TCERG1L: variants seen among roughly 807,000 people sequenced by gnomAD.
TCERG1L encodes the protein transcription elongation regulator 1-like protein.
TCERG1L carries 37 observed loss-of-function variants against 56.3 expected under a neutral mutation model. That is an observed-to-expected ratio of 0.66 (90% CI 0.51 to 0.87). The LOEUF is 0.87. Ranked by LOEUF, TCERG1L falls within the 40% of genes least tolerant of loss-of-function variation. The pLI, the probability that TCERG1L is intolerant of heterozygous loss-of-function variation, is 0.00. For synonymous variants in TCERG1L, 324 were observed against 326.3 expected, an observed-to-expected ratio of 0.99 and a Z score of 0.08; for missense variants, 799 against 774.2, an observed-to-expected ratio of 1.03 and a Z score of -0.38.
intron 7 of TCERG1L, among the ~76,000 whole-genome samples, chr10:131,143,936 G>T (rs901510745): frequency 1.3e-5 from 2 of 152,166 alleles, no homozygotes; most frequent in African/African-American, 4.8e-5. Context: ...ATGACAAAGC[G>T]GACTCTTTCC....
chr10:131,172,262 C>T (rs1036249017), intron 4 of TCERG1L, among the ~76,000 whole-genome samples: 3 of 151,858 alleles, frequency 2.0e-5, no homozygotes, highest in Admixed American at 1.3e-4. Context: ...ATGGACCCCA[C>T]GGGGGAGGAG....
intron 4 of TCERG1L, among the ~76,000 whole-genome samples, chr10:131,246,080 C>T (rs2133527055): frequency 6.6e-6 from 1 of 152,292 alleles, no homozygotes; most frequent in Admixed American, 6.5e-5. Flanking sequence ...TCACGAGAGC[C>T]ACAGCCTTGG....
chr10:131,190,427 C>G (rs562751810), intron 4 of TCERG1L, among the ~76,000 whole-genome samples: 1 of 103,636 alleles, frequency 9.6e-6, no homozygotes, highest in African/African-American at 3.8e-5. Context: ...TTCTATGAAG[C>G]TAGTATCACC....
At chr10:131,215,595 G>A (rs1165503148) in intron 4 of TCERG1L, among the ~76,000 whole-genome samples, 1 of 152,184 alleles carries the variant, frequency 6.6e-6, no homozygotes, top group Non-Finnish European at 1.5e-5. Flanking sequence ...GGGACAAAGG[G>A]ATTTCGGGAG....
intron 6 of TCERG1L, among the ~76,000 whole-genome samples, chr10:131,147,978 T>A (rs1845818071): frequency 6.6e-6 from 1 of 152,218 alleles, no homozygotes; most frequent in Admixed American, 6.5e-5. Flanking sequence ...GGGCCCTGCA[T>A]GTTGGCAACC....
intron 1 of TCERG1L, among the ~76,000 whole-genome samples, chr10:131,309,649 T>A (rs1390527813): frequency 6.6e-6 from 1 of 152,002 alleles, no homozygotes; most frequent in African/African-American, 2.4e-5. Flanking sequence ...CTTTTCTAAT[T>A]CTTAAATTAT....
chr10:131,123,194 C>G (rs1252536454), intron 8 of TCERG1L, among the ~76,000 whole-genome samples: 1 of 152,210 alleles, frequency 6.6e-6, no homozygotes, highest in Non-Finnish European at 1.5e-5. Flanking sequence ...ATCCCAGGCC[C>G]CTGCCCTCAC....
intron 4 of TCERG1L, among the ~76,000 whole-genome samples, chr10:131,258,315 T>C (rs1434069340): frequency 1.3e-5 from 2 of 152,250 alleles, no homozygotes; most frequent in African/African-American, 2.4e-5. Flanking sequence ...CCGTCAAGTC[T>C]TGGTTTTCGA....
intron 8 of TCERG1L, among the ~76,000 whole-genome samples, chr10:131,121,477 T>C (rs1282974602): frequency 6.6e-6 from 1 of 152,240 alleles, no homozygotes; most frequent in African/African-American, 2.4e-5. Context: ...TATTTAAACA[T>C]CTTGACTCTG....
At chr10:131,304,034 G>C (rs1451566474) in intron 3 of TCERG1L, among the ~76,000 whole-genome samples, 2 of 151,910 alleles carry the variant, frequency 1.3e-5, no homozygotes, top group Non-Finnish European at 2.9e-5. Context: ...TTCTCTCCCT[G>C]TCTCTCTCTT....
chr10:131,163,455 T>C (rs896842481), intron 5 of TCERG1L, among the ~76,000 whole-genome samples: 15 of 152,124 alleles, frequency 9.9e-5, no homozygotes, highest in Admixed American at 8.5e-4. Context: ...TTGTCTAAGC[T>C]GCCTGCTTTT....
At chr10:131,190,210 T>C (rs1845289255) in intron 4 of TCERG1L, among the ~76,000 whole-genome samples, 1 of 152,052 alleles carries the variant, frequency 6.6e-6, no homozygotes. Context: ...TACAACCCTC[T>C]TAGAATAAAT....
intron 9 of TCERG1L, among the ~76,000 whole-genome samples, chr10:131,112,639 G>C (rs1845422954): frequency 7.0e-6 from 1 of 142,176 alleles, no homozygotes; most frequent in Admixed American, 6.9e-5. Context: ...AGGGTGGAAT[G>C]ACCGGGCTTC....
chr10:131,098,447 A>G (rs1249051367), intron 10 of TCERG1L, 23 bp from the exon 11 acceptor site: 1 of 1,528,464 alleles, frequency 6.5e-7, no homozygotes, highest in Admixed American at 2.1e-5. Context: ...ATACAGAAGA[A>G]AAACATCATG....
intron 5 of TCERG1L, among the ~76,000 whole-genome samples, chr10:131,165,046 G>T (rs12412678): frequency 0.075 from 11,460 of 152,260 alleles, 543 homozygotes; most frequent in East Asian, 0.2. Flanking sequence ...AGAAGCATGA[G>T]ATTAGAACAA....
chr10:131,160,918 C>G (rs1159719408), intron 6 of TCERG1L: 1 of 152,148 alleles, frequency 6.6e-6, no homozygotes, highest in African/African-American at 2.4e-5. Context: ...CCTGCAACGC[C>G]CCAGGGGAGC....
At chr10:131,166,591 C>A (rs1386135513) in intron 5 of TCERG1L, among the ~76,000 whole-genome samples, 1 of 152,228 alleles carries the variant, frequency 6.6e-6, no homozygotes, top group Admixed American at 6.5e-5. Context: ...AGCTTCAGAC[C>A]CAGATCTGGC....
intron 4 of TCERG1L, among the ~76,000 whole-genome samples, chr10:131,248,164 C>T (rs746723864): frequency 4.0e-5 from 6 of 151,466 alleles, no homozygotes; most frequent in Non-Finnish European, 5.9e-5. Flanking sequence ...GGTAAACACA[C>T]CCACACACCC....
chr10:131,141,746 A>T (rs979293692), intron 7 of TCERG1L, among the ~76,000 whole-genome samples: 2 of 151,912 alleles, frequency 1.3e-5, no homozygotes, highest in Non-Finnish European at 2.9e-5. Flanking sequence ...GTCCTGGCGG[A>T]AACTACTCCG....
Sources: allele counts gnomAD v4.1 joint callset (sites outside exome capture counted in the v4.1 genomes callset), GRCh38; gene constraint gnomAD v4.1.1; transcripts MANE v1.5; gene names NCBI Gene and HGNC (gene_info 2026-07-23, HGNC 2026-07-21).